Variants in ASH1L observed in about 807,000 individuals in gnomAD.
ASH1L encodes ASH1 like histone lysine methyltransferase, also known as histone-lysine N-methyltransferase ASH1L.
A neutral mutation model predicts 269.0 loss-of-function variants in ASH1L; 23 were observed. The ratio of observed to expected loss-of-function variants is 0.09; its 90% confidence interval spans 0.06 to 0.12. The LOEUF (loss-of-function observed/expected upper bound fraction) is 0.12, where lower values mean the gene tolerates loss of function less well. Ranked by LOEUF, ASH1L falls within the 10% of genes least tolerant of loss-of-function variation. The pLI, the probability that ASH1L is intolerant of heterozygous loss-of-function variation, is 1.00. For synonymous variants in ASH1L, 1,187 were observed against 1,253.5 expected (o/e 0.95, Z 1.12); for missense variants, 2,912 against 3,567.8 (o/e 0.82, Z 4.68).
intron 6 of ASH1L, among the ~76,000 whole-genome samples, chr1:155,403,539 G>T (rs1031440329): frequency 5.3e-5 from 8 of 152,034 alleles, no homozygotes; most frequent in African/African-American, 1.9e-4. Context: ...CTCTCACAAG[G>T]TTCTTGAATA....
intron 2 of ASH1L, among the ~76,000 whole-genome samples, chr1:155,483,727 C>T (rs1442876850): frequency 6.7e-6 from 1 of 150,270 alleles, no homozygotes; most frequent in African/African-American, 2.4e-5. Context: ...AAAAAAAAAC[C>T]CTAAAAAAAT....
At chr1:155,430,838 G>A (rs1661539355) in intron 5 of ASH1L, among the ~76,000 whole-genome samples, 1 of 151,866 alleles carries the variant, frequency 6.6e-6, no homozygotes, top group Non-Finnish European at 1.5e-5. Flanking sequence ...GCCCAAGCTG[G>A]TCTCAAACTC....
chr1:155,539,475 G>A (rs1236740170), intron 1 of ASH1L, among the ~76,000 whole-genome samples: 1 of 151,348 alleles, frequency 6.6e-6, no homozygotes, highest in Admixed American at 6.6e-5. Flanking sequence ...CTTGTTCTTT[G>A]AGAAAAAATC....
At chr1:155,433,988 G>A (rs756725717) in intron 5 of ASH1L, 34 of 1,585,226 alleles carry the variant, frequency 2.1e-5, no homozygotes, top group East Asian at 4.6e-5. Context: ...GCTTGGGCTC[G>A]AGAAGGATGT....
At chr1:155,354,657 T>C in intron 15 of ASH1L, 27 bp from the exon 16 acceptor site, 2 of 1,599,354 alleles carry the variant, frequency 1.3e-6, no homozygotes, top group Non-Finnish European at 1.7e-6. Flanking sequence ...AAAATCTTCC[T>C]TTATTCATTA....
At chr1:155,446,578 T>C (rs1286514922) in intron 4 of ASH1L, among the ~76,000 whole-genome samples, 1 of 151,472 alleles carries the variant, frequency 6.6e-6, no homozygotes, top group African/African-American at 2.4e-5. Context: ...GTATTACAGG[T>C]GTGAGCCACC....
chr1:155,501,311 A>G (rs1293900521), intron 2 of ASH1L, among the ~76,000 whole-genome samples: 2 of 152,208 alleles, frequency 1.3e-5, no homozygotes, highest in Non-Finnish European at 2.9e-5. Flanking sequence ...AACTGGGATT[A>G]CAAGCCTAAG....
At chr1:155,473,775 C>T (rs1665305657) in intron 3 of ASH1L, among the ~76,000 whole-genome samples, 1 of 152,140 alleles carries the variant, frequency 6.6e-6, no homozygotes, top group African/African-American at 2.4e-5. Flanking sequence ...GTTGAGATTA[C>T]AGGCATTAGC....
Position 155,546,164 on chromosome 1 carries a change from A to AC in ASH1L, c.-100+15988_-100+15989insG, listed in dbSNP as rs1398864187. Among the ~76,000 whole-genome samples the AC allele has an allele frequency of 4.7e-5, 7 of 150,454 alleles. 1 individual carries two copies. On this transcript the variant is annotated intron_variant, in intron 1 of 27. Transcript: ENST00000392403. ...TAACACGAGATTCCATCACCAAAAA[A>AC]AAAAAAAAAAACAAAAATTAGCCAG...
chr1:155,451,964 G>A (rs1384202226), intron 4 of ASH1L, among the ~76,000 whole-genome samples: 4 of 151,826 alleles, frequency 2.6e-5, no homozygotes, highest in Non-Finnish European at 4.4e-5. Flanking sequence ...CAGGTGATCC[G>A]CCTGCCTCAG....
In ASH1L at chr1:155,338,155, G is replaced by A; in HGVS notation, c.8737C>T (p.His2913Tyr). 6.2e-7 allele frequency: 1 copy of A among 1,614,044 alleles called. No homozygotes were observed. The highest frequency in any genetic ancestry group is 8.5e-7 in the Non-Finnish European group (1 of 1,179,994). ...TGGTTGAGTCGTTCCCGTTGGTTAT[G>A]CCGTCGTTCCTCAGGGGTACAGGTT... ...QSTCTPEERRHNQRERLNQIL... is the reference protein window; with the variant it reads ...QSTCTPEERRYNQRERLNQIL... The change falls in exon 27 of 28, where the codon CAT becomes TAT. Residue 2913 changes from histidine to tyrosine, a missense_variant. Around this residue, in one of 13 missense-constraint regions of ASH1L, gnomAD observed 154 missense variants for 165.0 expected, o/e 0.93. Transcript: ENST00000392403.
intron 2 of ASH1L, among the ~76,000 whole-genome samples, chr1:155,504,861 A>G (rs1423237573): frequency 2.0e-5 from 3 of 151,926 alleles, no homozygotes; most frequent in African/African-American, 7.3e-5. Context: ...TCTCAAAAAA[A>G]AAAAAAAAAA....
chr1:155,427,849 C>T (rs1177364069), intron 5 of ASH1L, among the ~76,000 whole-genome samples: 2 of 152,148 alleles, frequency 1.3e-5, no homozygotes, highest in Admixed American at 1.3e-4. Flanking sequence ...GTGGTTTTCT[C>T]TTAAGCAGTT....
At chr1:155,388,001 C>T (rs1040262494) in intron 7 of ASH1L, among the ~76,000 whole-genome samples, 4 of 152,118 alleles carry the variant, frequency 2.6e-5, no homozygotes, top group African/African-American at 9.7e-5. Flanking sequence ...TGAGACTTTG[C>T]TAAAGTTGTT....
intron 7 of ASH1L, among the ~76,000 whole-genome samples, chr1:155,389,752 G>A (rs534832025): frequency 6.6e-6 from 1 of 152,182 alleles, no homozygotes; most frequent in South Asian, 2.1e-4. Flanking sequence ...CAAATTATTT[G>A]AGAAAATACC....
chr1:155,431,491 G>A lies in ASH1L; in HGVS notation c.5828+6836C>T, dbSNP rs369367285. On this transcript the variant is annotated intron_variant, in intron 5 of 27. Transcript: ENST00000392403. ...GTTTTGTAGAGATGGACCAGGTGCG[G>A]TGCTCACACCTGTAATCTTAGCACT... Among the ~76,000 whole-genome samples, 15 of 151,872 alleles carry A rather than the reference G, an allele frequency of 9.9e-5. No individual in the cohort carries two copies. In the East Asian group the frequency reaches 1.2e-3, roughly 12 times the overall value.
chr1:155,347,741 C>T lies in ASH1L; in HGVS notation c.7718G>A (p.Gly2573Glu), dbSNP rs992795073. The T allele has an allele frequency of 6.2e-7, 1 of 1,614,076 alleles. No individual in the cohort carries two copies. The highest frequency in any genetic ancestry group is 8.5e-7 in the Non-Finnish European group (1 of 1,180,046). ...AATAACATCGTCGTCCTTCTCATGCCCATTCTCCTTTTCAGAGACTGAGGT... is the reference window on the plus strand; with the variant it reads ...AATAACATCGTCGTCCTTCTCATGCTCATTCTCCTTTTCAGAGACTGAGGT... ...SETSVSEKEN[G>E]HEKDDDVIRC... The change falls in exon 20 of 28, where the codon GGG becomes GAG. Residue 2573 changes from glycine (G) to glutamate (E), a missense_variant. By Grantham distance (98) the Gly-to-Glu change is moderately conservative. Around this residue, in one of 13 missense-constraint regions of ASH1L, gnomAD observed 309 missense variants for 435.1 expected, o/e 0.71. Transcript: ENST00000392403.
chr1:155,467,849 TA>T (rs1313408920), intron 3 of ASH1L, among the ~76,000 whole-genome samples: 2 of 152,152 alleles, frequency 1.3e-5, no homozygotes, highest in African/African-American at 2.4e-5. Context: ...TCTGCTGTAT[TA>T]AAAAAACTCA....
chr1:155,518,555 T>C (rs2148834590), intron 2 of ASH1L, among the ~76,000 whole-genome samples: 1 of 152,136 alleles, frequency 6.6e-6, no homozygotes, highest in Admixed American at 6.6e-5. Flanking sequence ...AGTAGTCAAA[T>C]AATTTGAACA....
Sources: gnomAD v4.1 joint callset for allele counts (sites outside exome capture counted in the v4.1 genomes callset) on GRCh38, gnomAD v4.1.1 for gene constraint, gnomAD v4.1.1 regional missense constraint, MANE v1.5 for transcripts, NCBI Gene and HGNC (gene_info 2026-07-23, HGNC 2026-07-21) for gene names.